SPATA18: variants seen among roughly 807,000 people sequenced by gnomAD.
The protein encoded by SPATA18 is spermatogenesis associated 18.
In SPATA18, 54 loss-of-function variants were observed where a neutral mutation model predicts 68.1. The ratio of observed to expected loss-of-function variants is 0.79; its 90% CI spans 0.64 to 0.99. The LOEUF (loss-of-function observed/expected upper bound fraction) is 0.99. SPATA18 is among the 50% of genes least tolerant of loss of function. SPATA18 has a pLI of 0.00. For missense variants in SPATA18, 724 were observed against 681.1 expected (o/e 1.06, Z -0.70); for synonymous variants, 242 against 244.8 (o/e 0.99, Z 0.11).
chr4:52,073,778 T>A (rs188306086), intron 6 of SPATA18, among the ~76,000 whole-genome samples: 2 of 152,322 alleles, frequency 1.3e-5, no homozygotes, highest in East Asian at 3.9e-4. Flanking sequence ...CCAGTTTTTG[T>A]TACTTTGGGA....
rs2253193 is a variant in SPATA18, at chr4:52,070,540, A to T, written c.518+624A>T. Among the ~76,000 whole-genome samples, 11 of 81,396 alleles carry T rather than the reference A, an allele frequency of 1.4e-4. No homozygotes were observed. In the South Asian group the frequency reaches 2.3e-3, roughly 17 times the overall value. 53.4% of individuals were successfully genotyped at this position (81,396 alleles called of 152,430 possible). A position where few individuals can be genotyped will look rare whatever the true frequency, so the allele number is the denominator to read the frequency against. ...CACACTCTGGGGACTGTTGTGGGGT[A>T]GGGGGAGGGGGGAGGGATAGCATTA... On this transcript the variant is annotated intron_variant, in intron 5 of 12. Transcript: ENST00000295213.
At chr4:52,089,797 G>T (rs1017136889) in intron 11 of SPATA18, among the ~76,000 whole-genome samples, 47 of 152,126 alleles carry the variant, frequency 3.1e-4, no homozygotes, top group African/African-American at 1.1e-3. Context: ...GGTCTATTAG[G>T]TCCACTTGGT....
intron 11 of SPATA18, among the ~76,000 whole-genome samples, chr4:52,090,429 T>A (rs1410161137): frequency 2.6e-5 from 4 of 152,204 alleles, no homozygotes; most frequent in African/African-American, 9.7e-5. Flanking sequence ...CGGTTTTTCC[T>A]TTTCATGTTT....
At chr4:52,056,363 A>G (rs1220096473) in intron 1 of SPATA18, among the ~76,000 whole-genome samples, 1 of 152,162 alleles carries the variant, frequency 6.6e-6, no homozygotes, top group East Asian at 1.9e-4. Flanking sequence ...TGTCTCTTCA[A>G]ATTACTTAAT....
rs941529210 is a variant in SPATA18, at chr4:52,083,586, A to C, written c.1479+1076A>C. On this transcript the variant is annotated intron_variant, in intron 10 of 12. Transcript: ENST00000295213. ...ATAGCGAGACCTCATCTCTACAAAA[A>C]ATAAACAAATTAGCTGGGCATCGTG... 6 of 595,584 alleles carry C rather than the reference A, an allele frequency of 1.0e-5. No individual in the cohort carries two copies. In the Admixed American group the frequency reaches 3.8e-4, roughly 38 times the overall value. 36.9% of individuals were successfully genotyped at this position (595,584 alleles called of 1,614,324 possible).
intron 1 of SPATA18, among the ~76,000 whole-genome samples, chr4:52,055,919 T>C (rs1738297911): frequency 6.6e-6 from 1 of 152,234 alleles, no homozygotes; most frequent in Non-Finnish European, 1.5e-5. Flanking sequence ...TAGCATCTAC[T>C]GCATAGTGGC....
At chr4:52,074,129 C>A (rs915927302) in intron 6 of SPATA18, among the ~76,000 whole-genome samples, 1 of 152,048 alleles carries the variant, frequency 6.6e-6, no homozygotes, top group African/African-American at 2.4e-5. Context: ...ATCCTAGGGT[C>A]CTTTTTCTTC....
At chr4:52,067,491 C>T (rs1436230685) in intron 4 of SPATA18, among the ~76,000 whole-genome samples, 2 of 152,162 alleles carry the variant, frequency 1.3e-5, no homozygotes, top group Non-Finnish European at 2.9e-5. Flanking sequence ...GTCACTTTCC[C>T]CTGACCCAGT....
At chr4:52,077,079 G>A in intron 7 of SPATA18, 39 bp downstream of exon 7, 2 of 1,548,920 alleles carry the variant, frequency 1.3e-6, no homozygotes, top group Non-Finnish European at 1.7e-6. Context: ...CCTTAGGGCA[G>A]CCGGGAGACA....
At chr4:52,085,995 T>C (rs1741401115) in intron 11 of SPATA18, among the ~76,000 whole-genome samples, 1 of 152,196 alleles carries the variant, frequency 6.6e-6, no homozygotes, top group African/African-American at 2.4e-5. Flanking sequence ...ATTTAGTCAG[T>C]GTCTTTTGAA....
At position 52,065,177 on chromosome 4, in the gene SPATA18, T is replaced by C. The variant is rs545825636; in HGVS notation, c.422+2845T>C. On this transcript the variant is annotated intron_variant, in intron 4 of 12. Coordinates refer to ENST00000295213, the MANE Select transcript of SPATA18 (RefSeq NM_145263.4). ...GTAGATTCTGGATATTAGTTCTTTG[T>C]CAAATGCATAGTTTGTGAATATTTT... Among the ~76,000 whole-genome samples, 4 of 152,314 alleles carry C rather than the reference T, an allele frequency of 2.6e-5. No homozygotes were observed. The South Asian group carries it at 8.3e-4, about 32-fold the overall frequency.
At chr4:52,087,026 G>A (rs906962824) in intron 11 of SPATA18, among the ~76,000 whole-genome samples, 1 of 152,170 alleles carries the variant, frequency 6.6e-6, no homozygotes, top group Non-Finnish European at 1.5e-5. Context: ...GTGATGATGA[G>A]CATTTTTTTC....
At chr4:52,089,074 G>T (rs1578202711) in intron 11 of SPATA18, among the ~76,000 whole-genome samples, 1 of 152,286 alleles carries the variant, frequency 6.6e-6, no homozygotes, top group Non-Finnish European at 1.5e-5. Context: ...TTGTGAAGAG[G>T]TGTTTATAGT....
chr4:52,072,065 A>C lies in SPATA18; in HGVS notation c.667A>C (p.Thr223Pro). Residue 223 changes from threonine to proline, a missense_variant, in exon 6 of 13, where the codon ACA (threonine) becomes CCA (proline). By Grantham distance (38) the Thr-to-Pro change is conservative. Transcript: ENST00000295213. ...CAAGCAGAATGCAGACCAGCAGGACACAGAAGCCATGTCCGATTATAAGAA... is the reference window on the plus strand; with the variant it reads ...CAAGCAGAATGCAGACCAGCAGGACCCAGAAGCCATGTCCGATTATAAGAA... Reference protein sequence around the residue: ...SLKQNADQQDTEAMSDYKKQL... With the variant: ...SLKQNADQQDPEAMSDYKKQL... The C allele has an allele frequency of 1.2e-6, 2 of 1,613,938 alleles. No individual in the cohort carries two copies. The highest frequency in any genetic ancestry group is 1.7e-6 in the Non-Finnish European group (2 of 1,180,006).
At chr4:52,055,642 A>C (rs1042492048) in intron 1 of SPATA18, among the ~76,000 whole-genome samples, 2 of 152,072 alleles carry the variant, frequency 1.3e-5, no homozygotes, top group Admixed American at 6.5e-5. Flanking sequence ...TCTTCATTGC[A>C]TATAGGAATT....
intron 10 of SPATA18, 165 bp downstream of exon 10, chr4:52,082,675 T>A: frequency 6.7e-7 from 1 of 1,489,528 alleles, no homozygotes; most frequent in South Asian, 1.3e-5. Flanking sequence ...ATTCTTTTCT[T>A]TGATTCTTCC....
chr4:52,083,141 GTGTTGTAC>G lies in SPATA18; in HGVS notation c.1479+634_1479+641del, dbSNP rs1741101144. On this transcript the variant is annotated intron_variant, in intron 10 of 12. Transcript: ENST00000295213. ...CGTATGTGAGCATGTGGGTGTGTAC[GTGTTGTAC>G]TGGGGATTGGGTGATGGAACTGGTA... 123 of 985,374 alleles carry G rather than the reference GTGTTGTAC, an allele frequency of 1.2e-4. No individual in the cohort carries two copies. The South Asian group carries it at 4.7e-3, about 38-fold the overall frequency. The allele number at this position is 985,374 out of a possible 1,614,324, so 61.0% of individuals were successfully genotyped here.
At chr4:52,054,008 T>TGAG (rs1199449809) in intron 1 of SPATA18, among the ~76,000 whole-genome samples, 1 of 152,242 alleles carries the variant, frequency 6.6e-6, no homozygotes, top group Non-Finnish European at 1.5e-5. Flanking sequence ...TCTCCCTTGC[T>TGAG]CAGCCCACTC....
intron 3 of SPATA18, among the ~76,000 whole-genome samples, chr4:52,061,099 A>G (rs1738812537): frequency 6.6e-6 from 1 of 152,230 alleles, no homozygotes; most frequent in African/African-American, 2.4e-5. Flanking sequence ...TACCTTGCTT[A>G]AGGCATCCAC....
Sources: gnomAD v4.1 joint callset for allele counts (sites outside exome capture counted in the v4.1 genomes callset) on GRCh38, gnomAD v4.1.1 for gene constraint, MANE v1.5 for transcripts, NCBI Gene and HGNC (gene_info 2026-07-23, HGNC 2026-07-21) for gene names.